IL7: variants seen among roughly 807,000 people sequenced by gnomAD.
IL7 encodes the protein interleukin-7.
In IL7, 3 loss-of-function variants were observed where a neutral mutation model predicts 21.6. That is an observed-to-expected ratio of 0.14 (90% CI 0.06 to 0.36). The LOEUF (loss-of-function observed/expected upper bound fraction) is 0.36. Ranked by LOEUF, IL7 falls within the 10% of genes least tolerant of loss-of-function variation. The pLI is 1.00. For missense variants in IL7, 175 were observed against 200.2 expected (o/e 0.87, Z 0.76); for synonymous variants, 62 against 68.1 (o/e 0.91, Z 0.44).
chr8:78,737,348 G>A (rs962742506), intron 4 of IL7, among the ~76,000 whole-genome samples: 2 of 152,080 alleles, frequency 1.3e-5, no homozygotes, highest in African/African-American at 2.4e-5. Context: ...GCATTAGACA[G>A]TACTTTGAAA....
intron 5 of IL7, 123 bp downstream of exon 5, chr8:78,736,351 C>A: frequency 3.6e-6 from 2 of 548,988 alleles, no homozygotes; most frequent in Non-Finnish European, 6.2e-6. Context: ...CTCCTTTTAT[C>A]AATGTTATAA....
At chr8:78,716,780 G>A (rs895652265), downstream of IL7, among the ~76,000 whole-genome samples, 1 of 152,104 alleles carries the variant, frequency 6.6e-6, no homozygotes, top group Non-Finnish European at 1.5e-5. Flanking sequence ...TTAGAGGAGG[G>A]GCCTGGTGAT....
chr8:78,796,947 G>C (rs9942766), intron 2 of IL7, among the ~76,000 whole-genome samples: 1 of 151,902 alleles, frequency 6.6e-6, no homozygotes, highest in East Asian at 1.9e-4. Flanking sequence ...AACCCTGCAC[G>C]TATATGTTTA....
At position 78,798,586 on chromosome 8, in the gene IL7, T is replaced by C. The variant is rs192025343; in HGVS notation, c.11-378A>G. Among the ~76,000 whole-genome samples the C allele has an allele frequency of 7.0e-4, 107 of 152,120 alleles. 1 individual carries two copies. The highest frequency in any genetic ancestry group is 1.4e-3 in the Non-Finnish European group (97 of 67,908). Reference sequence around the variant, plus strand: ...TACAGTTCGAAGAGTTACATATTGTTGGAATTTTATGATGTACTGCACGTA... The same window carrying C: ...TACAGTTCGAAGAGTTACATATTGTCGGAATTTTATGATGTACTGCACGTA... On this transcript the variant is annotated intron_variant, in intron 1 of 5. Coordinates refer to ENST00000263851, the MANE Select transcript of IL7 (RefSeq NM_000880.4).
intron 2 of IL7, among the ~76,000 whole-genome samples, chr8:78,744,335 A>G (rs1315491305): frequency 2.6e-5 from 4 of 151,964 alleles, no homozygotes; most frequent in Non-Finnish European, 5.9e-5. Context: ...GGGATGGCTC[A>G]GGGACCTGCT....
At chr8:78,762,370 C>T in intron 2 of IL7, 1 of 1,612,532 alleles carries the variant, frequency 6.2e-7, no homozygotes, top group Admixed American at 1.7e-5. Context: ...TGAAGAAGGC[C>T]AAGTCAAGTC....
chr8:78,768,175 G>C (rs912206690), intron 2 of IL7, among the ~76,000 whole-genome samples: 2 of 152,118 alleles, frequency 1.3e-5, no homozygotes, highest in Non-Finnish European at 2.9e-5. Flanking sequence ...TATCATTGAC[G>C]GACATTTGGG....
chr8:78,706,311 C>T (rs930891325), intron 3 of IL7, among the ~76,000 whole-genome samples: 5 of 152,114 alleles, frequency 3.3e-5, no homozygotes, highest in South Asian at 4.1e-4. Context: ...AGGGTATGTA[C>T]GGGGGTCTAA....
chr8:78,792,248 G>A (rs1364922545), intron 2 of IL7, among the ~76,000 whole-genome samples: 1 of 152,038 alleles, frequency 6.6e-6, no homozygotes, highest in East Asian at 1.9e-4. Flanking sequence ...AAAGAATGAA[G>A]TTGGACCCCT....
At chr8:78,751,706 TG>T (rs1812180434) in intron 2 of IL7, among the ~76,000 whole-genome samples, 1 of 152,234 alleles carries the variant, frequency 6.6e-6, no homozygotes, top group Admixed American at 6.5e-5. Flanking sequence ...CAATGTGTAA[TG>T]ATCAAATCAG....
At chr8:78,698,371 CT>C in intron 3 of IL7, 6 of 1,499,456 alleles carry the variant, frequency 4.0e-6, no homozygotes, top group Admixed American at 3.7e-5. Context: ...TTTATGTAAC[CT>C]TTTTTAGAGT....
intron 2 of IL7, among the ~76,000 whole-genome samples, chr8:78,777,795 CA>C (rs1267522920): frequency 6.6e-6 from 1 of 152,052 alleles, no homozygotes; most frequent in Non-Finnish European, 1.5e-5. Context: ...CTTTTCATCA[CA>C]AATTTATTTT....
In IL7 at chr8:78,704,525, T is replaced by C. The variant is rs182479306; in HGVS notation, n.214+16823A>G. On this transcript the variant is annotated intron_variant and non_coding_transcript_variant, in intron 3 of 4. Transcript: ENST00000523959. ...CCTGGCCTTTCTCTCTAGCTGCCTT[T>C]AACATTTCTTCTTTCATTTCAGTCT... is the stretch of plus-strand genomic sequence containing the variant. 2.0e-4 allele frequency among the ~76,000 whole-genome samples: 30 copies of C among 152,288 alleles called. No homozygotes were observed. In the East Asian group the frequency reaches 5.4e-3, roughly 27 times the overall value.
downstream of IL7, among the ~76,000 whole-genome samples, chr8:78,732,211 T>C (rs946296315): frequency 1.3e-5 from 2 of 152,074 alleles, no homozygotes; most frequent in African/African-American, 4.8e-5. Context: ...AATCAACTCA[T>C]CTTTCTGGAG....
Position 78,694,973 on chromosome 8 carries a change from T to C in IL7, n.215-9026A>G, listed in dbSNP as rs548601423. On this transcript the variant is annotated intron_variant and non_coding_transcript_variant, in intron 3 of 4. Coordinates refer to the IL7 transcript ENST00000523959. ...AATAGCACACAAAACCGTTGATTGA[T>C]AGAGTCATTCTGAAAGTCTTTATAT... Among the ~76,000 whole-genome samples, 18 of 152,266 alleles carry C rather than the reference T, an allele frequency of 1.2e-4. No homozygotes were observed. In the South Asian group the frequency reaches 3.7e-3, roughly 32 times the overall value.
At chr8:78,731,950 T>G (rs140561198), downstream of IL7, among the ~76,000 whole-genome samples, 2 of 152,270 alleles carry the variant, frequency 1.3e-5, no homozygotes, top group Non-Finnish European at 2.9e-5. Context: ...ATATATTTTT[T>G]TAACACTGTT....
chr8:78,682,979 G>A (rs948831979), intron 4 of IL7, among the ~76,000 whole-genome samples: 3 of 152,226 alleles, frequency 2.0e-5, no homozygotes, highest in East Asian at 1.9e-4. Context: ...GCTCTGAAAC[G>A]ATCTCCTTTG....
downstream of IL7, chr8:78,717,584 C>A: frequency 7.4e-7 from 1 of 1,356,198 alleles, no homozygotes; most frequent in Non-Finnish European, 9.9e-7. Flanking sequence ...TTAGTTTGTG[C>A]TAAAAATACT....
intron 3 of IL7, among the ~76,000 whole-genome samples, chr8:78,701,671 T>C (rs1331710862): frequency 1.3e-5 from 2 of 152,258 alleles, no homozygotes; most frequent in African/African-American, 4.8e-5. Flanking sequence ...GTTCCTGCAA[T>C]ACCTAGTTTA....
Sources: gnomAD v4.1 joint callset for allele counts (sites outside exome capture counted in the v4.1 genomes callset) on GRCh38, gnomAD v4.1.1 for gene constraint, MANE v1.5 for transcripts, NCBI Gene and HGNC (gene_info 2026-07-23, HGNC 2026-07-21) for gene names.